CAST: variants seen among roughly 807,000 people sequenced by gnomAD.
The protein encoded by CAST is calpastatin, also known as MIR583 host.
Under a neutral mutation model 119.6 loss-of-function variants are expected in CAST, and 76 were observed. The observed-to-expected ratio is 0.64, with a 90% confidence interval of 0.53 to 0.77. The LOEUF is 0.77. Ranked by LOEUF, CAST falls within the 30% of genes least tolerant of loss-of-function variation. CAST has a pLI of 0.00. For synonymous variants in CAST, 319 were observed against 331.6 expected (o/e 0.96, Z 0.41); for missense variants, 953 against 946.5 (o/e 1.01, Z -0.09).
the CAST span, among the ~76,000 whole-genome samples, chr5:96,127,002 G>A: frequency 6.6e-6 from 1 of 152,056 alleles, no homozygotes; most frequent in Admixed American, 6.6e-5. Flanking sequence ...ACTTTTGTAT[G>A]TTAGGGGCAT....
the CAST span, among the ~76,000 whole-genome samples, chr5:96,333,286 G>C: frequency 6.6e-6 from 1 of 151,930 alleles, no homozygotes; most frequent in Non-Finnish European, 1.5e-5. Context: ...ATACAGGGAG[G>C]CTTTTGCTGT....
chr5:96,759,531 T>C (rs1561598378), intron 24 of CAST, among the ~76,000 whole-genome samples: 1 of 152,108 alleles, frequency 6.6e-6, no homozygotes, highest in Non-Finnish European at 1.5e-5. Context: ...TAAATGCTTA[T>C]TGAATTTTAA....
At chr5:96,327,693 T>C in the CAST span, among the ~76,000 whole-genome samples, 2 of 152,200 alleles carry the variant, frequency 1.3e-5, no homozygotes, top group East Asian at 3.9e-4. Context: ...CGCATGTGTC[T>C]TTTAACTGTG....
chr5:96,631,689 C>G (rs9790956), intron 1 of CAST, among the ~76,000 whole-genome samples: 1 of 146,826 alleles, frequency 6.8e-6, no homozygotes, highest in Non-Finnish European at 1.5e-5. Flanking sequence ...CCCGCCACCA[C>G]GCCCGGATAA....
chr5:96,463,692 G>A, the CAST span, among the ~76,000 whole-genome samples: 1 of 152,146 alleles, frequency 6.6e-6, no homozygotes, highest in Non-Finnish European at 1.5e-5. Context: ...ATTTGGATTA[G>A]TGGGGTATAG....
the CAST span, among the ~76,000 whole-genome samples, chr5:96,014,605 C>T: frequency 4.6e-5 from 7 of 152,108 alleles, no homozygotes; most frequent in Non-Finnish European, 7.4e-5. Flanking sequence ...ATGATGGCTA[C>T]ATCATCACTA....
chr5:96,208,096 G>A, the CAST span, among the ~76,000 whole-genome samples: 10 of 150,134 alleles, frequency 6.7e-5, no homozygotes, highest in East Asian at 1.2e-3. Flanking sequence ...TCTAGTTTGT[G>A]TGCATACATG....
chr5:96,679,175 A>G (rs915756789), intron 2 of CAST: 5 of 152,222 alleles, frequency 3.3e-5, no homozygotes, highest in East Asian at 1.9e-4. Context: ...AGCAATTGTA[A>G]TAGAATGTTG....
the CAST span, among the ~76,000 whole-genome samples, chr5:96,197,578 T>A: frequency 7.9e-5 from 12 of 152,192 alleles, no homozygotes; most frequent in Non-Finnish European, 1.8e-4. Flanking sequence ...GGAAGTCGTA[T>A]GTTGACATGA....
the CAST span, among the ~76,000 whole-genome samples, chr5:95,992,586 A>G: frequency 2.6e-5 from 4 of 152,216 alleles, no homozygotes; most frequent in Non-Finnish European, 5.9e-5. Context: ...TTGGAGAGAC[A>G]GGATGACTAA....
the CAST span, among the ~76,000 whole-genome samples, chr5:96,081,334 G>A: frequency 6.6e-6 from 1 of 152,168 alleles, no homozygotes; most frequent in Admixed American, 6.5e-5. Flanking sequence ...AGTAGAAATG[G>A]CTGCACAGGG....
At chr5:96,409,766 C>A in the CAST span, among the ~76,000 whole-genome samples, 1 of 152,186 alleles carries the variant, frequency 6.6e-6, no homozygotes, top group Non-Finnish European at 1.5e-5. Context: ...TAAAACCCCT[C>A]GGTAGAATGC....
upstream of CAST, among the ~76,000 whole-genome samples, chr5:96,526,508 T>C (rs561890078): frequency 2.6e-5 from 4 of 152,338 alleles, no homozygotes; most frequent in East Asian, 1.9e-4. Context: ...GGGAAACTTA[T>C]ACTTTCTTTT....
chr5:95,990,450 A>G, the CAST span, among the ~76,000 whole-genome samples: 1 of 152,038 alleles, frequency 6.6e-6, no homozygotes, highest in East Asian at 1.9e-4. Flanking sequence ...TTGTTTTTAT[A>G]ATATTAAAAA....
the CAST span, among the ~76,000 whole-genome samples, chr5:96,034,511 G>GCACACA: frequency 0.082 from 5,317 of 65,152 alleles, 217 homozygotes; most frequent in East Asian, 0.091. Flanking sequence ...ACACACATAT[G>GCACACA]TGTGTGTGTA....
At chr5:96,486,952 T>C in the CAST span, among the ~76,000 whole-genome samples, 1 of 151,436 alleles carries the variant, frequency 6.6e-6, no homozygotes, top group African/African-American at 2.4e-5. Context: ...GTGCATGCTA[T>C]GTAAAAGGAA....
At chr5:96,001,636 G>A in the CAST span, among the ~76,000 whole-genome samples, 22 of 152,184 alleles carry the variant, frequency 1.4e-4, no homozygotes, top group South Asian at 2.1e-4. Flanking sequence ...ATCATAATGA[G>A]TATTTCTCAT....
At chr5:96,401,715 C>G in the CAST span, among the ~76,000 whole-genome samples, 1 of 152,052 alleles carries the variant, frequency 6.6e-6, no homozygotes, top group African/African-American at 2.4e-5. Flanking sequence ...TTCTAACATG[C>G]GGGAAACTCA....
chr5:96,074,196 T>TCTAA, the CAST span, among the ~76,000 whole-genome samples: 1 of 88,424 alleles, frequency 1.1e-5, no homozygotes, highest in Non-Finnish European at 2.6e-5. Context: ...TCTTTGTTTC[T>TCTAA]GTAAGTGATT....
Sources: allele counts gnomAD v4.1 joint callset (sites outside exome capture counted in the v4.1 genomes callset), GRCh38; gene constraint gnomAD v4.1.1; transcripts MANE v1.5; gene names NCBI Gene and HGNC (gene_info 2026-07-23, HGNC 2026-07-21).